The following CYLD variants were observed in gnomAD, a reference collection of about 807,000 sequenced individuals.
CYLD encodes the protein ubiquitin carboxyl-terminal hydrolase CYLD.
CYLD carries 26 observed loss-of-function variants against 104.5 expected under a neutral mutation model. That is an observed-to-expected ratio of 0.25 (90% CI 0.18 to 0.35). The LOEUF (loss-of-function observed/expected upper bound fraction) is 0.35, where lower values mean the gene tolerates loss of function less well. Among genes scored for constraint, CYLD ranks in the 10% least tolerant of loss-of-function variants. The pLI, the probability that CYLD is intolerant of heterozygous loss-of-function variation, is 1.00. For synonymous variants in CYLD, 385 were observed against 399.9 expected (o/e 0.96, Z 0.45); for missense variants, 703 against 1,136.1 (o/e 0.62, Z 5.48).
intron 9 of CYLD, 75 bp from the exon 10 acceptor site, chr16:50,781,171 C>T: frequency 6.5e-7 from 1 of 1,540,922 alleles, no homozygotes; most frequent in Non-Finnish European, 8.9e-7. Context: ...AGAAACAGGT[C>T]TTAGAAACCT....
intron 12 of CYLD, chr16:50,784,857 AG>A (rs747410618): frequency 3.0e-5 from 6 of 202,650 alleles, no homozygotes; most frequent in Non-Finnish European, 5.1e-5. Context: ...AAAGAAAAGG[AG>A]AAAGGGAAAT....
chr16:50,785,477 G>T (rs566657404), intron 12 of CYLD: 2 of 152,134 alleles, frequency 1.3e-5, no homozygotes, highest in East Asian at 3.9e-4. Flanking sequence ...TAAGATAATT[G>T]TGAATCTTGA....
At chr16:50,784,229 C>T in intron 11 of CYLD, 100 bp from the exon 12 acceptor site, 1 of 1,302,224 alleles carries the variant, frequency 7.7e-7, no homozygotes, top group Admixed American at 1.7e-5. Context: ...GTTATTTGTT[C>T]TCCAGACTTT....
chr16:50,771,439 A>C (rs761094196), intron 5 of CYLD, among the ~76,000 whole-genome samples: 1 of 152,052 alleles, frequency 6.6e-6, no homozygotes, highest in South Asian at 2.1e-4. Flanking sequence ...CTAGTTTTTG[A>C]CTATTATTAA....
chr16:50,760,600 T>C (rs1967794441), intron 5 of CYLD, among the ~76,000 whole-genome samples: 1 of 152,196 alleles, frequency 6.6e-6, no homozygotes, highest in Admixed American at 6.5e-5. Context: ...ATGTTAGAAC[T>C]CTTTGTATAT....
chr16:50,750,254 CTGTG>C (rs1405927043), intron 3 of CYLD, 52 bp downstream of exon 3: 1 of 1,592,356 alleles, frequency 6.3e-7, no homozygotes, highest in Admixed American at 1.7e-5. Context: ...TCATGTGTGT[CTGTG>C]TATTTGTATG....
intron 4 of CYLD, among the ~76,000 whole-genome samples, chr16:50,753,011 A>G (rs1173587966): frequency 1.3e-5 from 2 of 152,184 alleles, no homozygotes; most frequent in African/African-American, 4.8e-5. Flanking sequence ...GTGAGTAGTA[A>G]TCTCTTATAC....
chr16:50,786,972 A>G, intron 13 of CYLD, 26 bp downstream of exon 13: 1 of 1,535,134 alleles, frequency 6.5e-7, no homozygotes, highest in East Asian at 2.2e-5. Context: ...TATATGCGTT[A>G]AAAATAACTG....
chr16:50,751,950 G>A (rs1218842366), intron 4 of CYLD, 44 bp downstream of exon 4: 2 of 839,354 alleles, frequency 2.4e-6, no homozygotes, highest in Non-Finnish European at 3.5e-6. Flanking sequence ...ATATATATTA[G>A]TTTATATATA....
rs780819956 is a variant in CYLD at position 50,794,162 on chromosome 16, G to A, written c.2470-50G>A. On this transcript the variant is annotated intron_variant, in intron 17 of 18. Coordinates refer to ENST00000427738, the MANE Select transcript of CYLD (RefSeq NM_001378743.1). The surrounding 1 kb of genome is among the most constrained non-coding windows in gnomAD (Gnocchi z 4.1). Reference sequence around the variant, plus strand: ...AGGCTGGTCTTGAACTCCTGACCTCGTGATCCACCAGCCTCGGCCTAATGA... The same window carrying A: ...AGGCTGGTCTTGAACTCCTGACCTCATGATCCACCAGCCTCGGCCTAATGA... 54 of 1,534,816 alleles carry A rather than the reference G, an allele frequency of 3.5e-5. No homozygotes were observed. Among genetic ancestry groups the A allele is most frequent in the Non-Finnish European group, 4.2e-5 (47 of 1,109,550 alleles).
At chr16:50,788,101 T>G (rs1567454494) in intron 14 of CYLD, among the ~76,000 whole-genome samples, 1 of 152,228 alleles carries the variant, frequency 6.6e-6, no homozygotes, top group Non-Finnish European at 1.5e-5. Flanking sequence ...TAAGTATTAT[T>G]GCAAATCATT....
chr16:50,798,482 T>C lies in CYLD; in HGVS notation c.*1974T>C. The C allele has an allele frequency of 4.3e-6, 1 of 232,858 alleles. No individual in the cohort carries two copies. Among genetic ancestry groups the C allele is most frequent in the Non-Finnish European group, 8.5e-6 (1 of 117,790 alleles). The allele number at this position is 232,858 out of a possible 1,614,324, so 14.4% of individuals were successfully genotyped here. A position where few individuals can be genotyped will look rare whatever the true frequency, so the allele number is the denominator to read the frequency against. On this transcript the variant is annotated 3_prime_UTR_variant, in exon 19 of 19. Coordinates refer to ENST00000427738, the MANE Select transcript of CYLD (RefSeq NM_001378743.1). Reference sequence around the variant, plus strand: ...TATACAGGAGGATGTGTGTCAGTTATATGCAAATTCTGTACCATTTTGTAT... The same window carrying C: ...TATACAGGAGGATGTGTGTCAGTTACATGCAAATTCTGTACCATTTTGTAT...
At chr16:50,746,060 C>T (rs1298970294) in intron 2 of CYLD, among the ~76,000 whole-genome samples, 2 of 151,880 alleles carry the variant, frequency 1.3e-5, no homozygotes, top group Non-Finnish European at 2.9e-5. Flanking sequence ...GAGTGTGTGA[C>T]AGGGTCTTGC....
At chr16:50,754,168 A>C (rs1299196431) in intron 4 of CYLD, 151 bp from the exon 5 acceptor site, 2 of 644,328 alleles carry the variant, frequency 3.1e-6, no homozygotes, top group Admixed American at 5.4e-5. Context: ...TTACTATGGC[A>C]ACTATTCCTA....
chr16:50,765,080 G>A lies in CYLD; in HGVS notation c.914-10086G>A, dbSNP rs897485768. Among the ~76,000 whole-genome samples, 21 of 152,074 alleles carry A rather than the reference G, an allele frequency of 1.4e-4. 1 individual carries two copies. Among genetic ancestry groups the A allele is most frequent in the Admixed American group, 1.2e-3 (19 of 15,264 alleles). On this transcript the variant is annotated intron_variant, in intron 5 of 18. Coordinates refer to ENST00000427738, the MANE Select transcript of CYLD (RefSeq NM_001378743.1). ...CTAAATGTAATTTCACTTGTCTTAC[G>A]AAATCAAATACAGGCATACCTAATT...
rs758747871 is a variant in CYLD, at chr16:50,796,585, T to A, written c.*77T>A. On this transcript the variant is annotated 3_prime_UTR_variant, in exon 19 of 19. Transcript: ENST00000427738. ...ATCTTATTCGAGCTGGCAGTTCTGT[T>A]CACGTCCATTGCCGGCAATGGATGT... is the stretch of plus-strand genomic sequence containing the variant. 2.1e-6 allele frequency: 3 copies of A among 1,450,170 alleles called. No homozygotes were observed. In the East Asian group the frequency reaches 6.8e-5, roughly 33 times the overall value. The allele number at this position is 1,450,170 out of a possible 1,614,324, so 89.8% of individuals were successfully genotyped here. A position where few individuals can be genotyped will look rare whatever the true frequency, so the allele number is the denominator to read the frequency against.
intron 5 of CYLD, among the ~76,000 whole-genome samples, chr16:50,769,380 G>A (rs1442335914): frequency 6.6e-6 from 1 of 152,060 alleles, no homozygotes; most frequent in African/African-American, 2.4e-5. Flanking sequence ...TTAAATTTTA[G>A]TAACATCTAA....
chr16:50,769,747 C>T (rs1302715402), intron 5 of CYLD, among the ~76,000 whole-genome samples: 2 of 152,168 alleles, frequency 1.3e-5, no homozygotes, highest in African/African-American at 4.8e-5. Context: ...GCAGAACATT[C>T]CCATCCCACA....
In CYLD at chr16:50,762,856, CT is replaced by C. The variant is rs780758734; in HGVS notation, c.913+8441del. Among the ~76,000 whole-genome samples, 19 of 151,484 alleles carry C rather than the reference CT, an allele frequency of 1.3e-4. 2 individuals are homozygous for C. Among genetic ancestry groups the C allele is most frequent in the Middle Eastern group, 3.4e-3 (1 of 294 alleles). Reference sequence around the variant, plus strand: ...CATGCTGATGTAGAAATACAATTGACTTTTTTTTTAGAAAACAGCTTTACTG... The same window carrying C: ...CATGCTGATGTAGAAATACAATTGACTTTTTTTTAGAAAACAGCTTTACTG... On this transcript the variant is annotated intron_variant, in intron 5 of 18. Coordinates refer to ENST00000427738, the MANE Select transcript of CYLD (RefSeq NM_001378743.1).
Sources: gnomAD v4.1 joint callset for allele counts (sites outside exome capture counted in the v4.1 genomes callset) on GRCh38, gnomAD v4.1.1 for gene constraint, Gnocchi (gnomAD v3.1) non-coding constraint, MANE v1.5 for transcripts, NCBI Gene and HGNC (gene_info 2026-07-23, HGNC 2026-07-21) for gene names.